IQCM: variants seen among roughly 807,000 people sequenced by gnomAD.
The protein encoded by IQCM is IQ domain-containing protein M.
A neutral mutation model predicts 57.6 loss-of-function variants in IQCM; 45 were observed. That is an observed-to-expected ratio of 0.78 (90% CI 0.62 to 1.00). The LOEUF is 1.00. Among genes scored for constraint, IQCM ranks in the 50% least tolerant of loss-of-function variants. The pLI is 0.00. For synonymous variants in IQCM, 148 were observed against 158.9 expected, an observed-to-expected ratio of 0.93 and a Z score of 0.51; for missense variants, 468 against 511.6, an observed-to-expected ratio of 0.91 and a Z score of 0.82.
chr4:149,575,696 G>T (rs1366467243), intron 9 of IQCM, among the ~76,000 whole-genome samples: 1 of 151,782 alleles, frequency 6.6e-6, no homozygotes, highest in African/African-American at 2.4e-5. Flanking sequence ...GATGGAGATT[G>T]ATATCCCATT....
intron 8 of IQCM, among the ~76,000 whole-genome samples, chr4:149,605,646 A>G (rs1265601035): frequency 6.6e-6 from 1 of 152,352 alleles, no homozygotes; most frequent in Middle Eastern, 3.4e-3. Context: ...CCCAGATAAT[A>G]TTGCTGCAAG....
At chr4:149,440,258 C>T (rs910655784) in intron 12 of IQCM, among the ~76,000 whole-genome samples, 12 of 151,578 alleles carry the variant, frequency 7.9e-5, no homozygotes, top group African/African-American at 2.2e-4. Flanking sequence ...TGAGCCACAG[C>T]GCCCAGCAAG....
chr4:149,683,449 G>A (rs1216736829), intron 6 of IQCM, among the ~76,000 whole-genome samples: 1 of 151,250 alleles, frequency 6.6e-6, no homozygotes, highest in African/African-American at 2.4e-5. Context: ...TCAATAGATA[G>A]TAAAGAAATA....
At chr4:149,771,815 C>T (rs994672921) in intron 2 of IQCM, among the ~76,000 whole-genome samples, 2 of 152,074 alleles carry the variant, frequency 1.3e-5, no homozygotes, top group Non-Finnish European at 2.9e-5. Flanking sequence ...TATGCTTTTA[C>T]TATCTTTATT....
intron 5 of IQCM, among the ~76,000 whole-genome samples, chr4:149,688,813 A>G (rs1186122386): frequency 6.6e-6 from 1 of 152,062 alleles, no homozygotes; most frequent in Non-Finnish European, 1.5e-5. Flanking sequence ...ATTTACAGCC[A>G]TCTGATCTTC....
chr4:149,693,433 C>T (rs1763090563), intron 5 of IQCM, among the ~76,000 whole-genome samples: 1 of 152,128 alleles, frequency 6.6e-6, no homozygotes, highest in African/African-American at 2.4e-5. Context: ...TACTGTCCAT[C>T]CATAAGCCCG....
intron 12 of IQCM, among the ~76,000 whole-genome samples, chr4:149,497,084 G>T (rs1394030): frequency 0.99 from 150,702 of 152,222 alleles, 74,629 homozygotes; most frequent in East Asian, 1. Flanking sequence ...ATGGAATTTC[G>T]CCCTCTGTCT....
chr4:149,532,535 A>T (rs1163836920), intron 12 of IQCM, among the ~76,000 whole-genome samples: 9 of 149,010 alleles, frequency 6.0e-5, no homozygotes, highest in Non-Finnish European at 1.2e-4. Context: ...TTGTCCCAAG[A>T]CAAGAAAAAA....
At chr4:149,762,568 A>C (rs1769634788) in intron 2 of IQCM, among the ~76,000 whole-genome samples, 1 of 152,210 alleles carries the variant, frequency 6.6e-6, no homozygotes, top group African/African-American at 2.4e-5. Flanking sequence ...GTATTTCTAT[A>C]TTAAAAAGGC....
At chr4:149,379,866 G>A (rs1730957021) in intron 13 of IQCM, among the ~76,000 whole-genome samples, 2 of 152,152 alleles carry the variant, frequency 1.3e-5, no homozygotes, top group Admixed American at 1.3e-4. Context: ...ATCTTGAATT[G>A]TAGCTCCCAT....
At chr4:149,562,760 C>A (rs1264691423) in intron 10 of IQCM, among the ~76,000 whole-genome samples, 1 of 152,018 alleles carries the variant, frequency 6.6e-6, no homozygotes, top group Non-Finnish European at 1.5e-5. Context: ...ATATGTGATT[C>A]CCATACATAT....
chr4:149,593,072 G>T (rs1480774200), intron 8 of IQCM, among the ~76,000 whole-genome samples: 9 of 151,942 alleles, frequency 5.9e-5, no homozygotes, highest in South Asian at 2.1e-4. Context: ...CACGATATTG[G>T]TTCTTCCTAT....
intron 12 of IQCM, among the ~76,000 whole-genome samples, chr4:149,495,567 G>A (rs577608914): frequency 1.3e-4 from 20 of 152,050 alleles, no homozygotes; most frequent in Non-Finnish European, 2.8e-4. Context: ...CACACTAAAA[G>A]TGCTATGGTA....
At chr4:149,486,498 C>T (rs751401475) in intron 12 of IQCM, among the ~76,000 whole-genome samples, 32 of 152,112 alleles carry the variant, frequency 2.1e-4, no homozygotes, top group Non-Finnish European at 3.7e-4. Flanking sequence ...CCTGTAATCC[C>T]AGCACTTTGG....
Position 149,399,545 on chromosome 4 carries a change from G to T in IQCM, c.1390+33851C>A, listed in dbSNP as rs572588789. On this transcript the variant is annotated intron_variant, in intron 13 of 13. Coordinates refer to ENST00000636793, the MANE Select transcript of IQCM (RefSeq NM_001363507.2). ...TAGCAACAAAAATGTAAATATAAAA[G>T]ACACTAAAAATAGATGAAAGGCATT... 2.8e-3 allele frequency among the ~76,000 whole-genome samples: 425 copies of T among 152,140 alleles called. 2 individuals carry two copies. The highest frequency in any genetic ancestry group is 9.1e-3 in the African/African-American group (379 of 41,516).
At chr4:149,559,253 T>C (rs1749889863) in intron 10 of IQCM, among the ~76,000 whole-genome samples, 1 of 152,198 alleles carries the variant, frequency 6.6e-6, no homozygotes, top group Admixed American at 6.5e-5. Flanking sequence ...TTTTCAAAAA[T>C]ACAAATCTAT....
intron 7 of IQCM, among the ~76,000 whole-genome samples, chr4:149,622,720 T>C (rs1023176973): frequency 6.6e-6 from 1 of 151,988 alleles, no homozygotes; most frequent in Non-Finnish European, 1.5e-5. Flanking sequence ...TATAAAAGAG[T>C]AACACAAGAG....
intron 7 of IQCM, among the ~76,000 whole-genome samples, chr4:149,659,263 A>T (rs1008536861): frequency 6.6e-6 from 1 of 152,084 alleles, no homozygotes; most frequent in African/African-American, 2.4e-5. Context: ...ATACCTAGGA[A>T]TCCAACTTAC....
intron 12 of IQCM, among the ~76,000 whole-genome samples, chr4:149,441,388 T>C (rs1735925360): frequency 6.6e-6 from 1 of 152,122 alleles, no homozygotes; most frequent in South Asian, 2.1e-4. Flanking sequence ...GCAATTCCTA[T>C]TCAAAATGAG....
Sources: gnomAD v4.1 joint callset for allele counts (sites outside exome capture counted in the v4.1 genomes callset) on GRCh38, gnomAD v4.1.1 for gene constraint, MANE v1.5 for transcripts, NCBI Gene and HGNC (gene_info 2026-07-23, HGNC 2026-07-21) for gene names.